Variants in DIS3L observed in about 807,000 individuals in gnomAD.
DIS3L encodes DIS3-like exonuclease 1.
A neutral mutation model predicts 120.3 loss-of-function variants in DIS3L; 100 were observed. The observed-to-expected ratio is 0.83, with a 90% confidence interval of 0.71 to 0.98. The LOEUF is 0.98. Among genes scored for constraint, DIS3L ranks in the 50% least tolerant of loss-of-function variants. The probability of loss-of-function intolerance (pLI) is 0.00; values close to 1 mark genes in which losing one functional copy is unlikely to be tolerated. For missense variants in DIS3L, 1,196 were observed against 1,314.2 expected, an observed-to-expected ratio of 0.91 and a Z score of 1.39; for synonymous variants, 426 against 470.6, an observed-to-expected ratio of 0.91 and a Z score of 1.23.
At chr15:66,330,203 A>G (rs1380936967) in intron 14 of DIS3L, 10 of 898,276 alleles carry the variant, frequency 1.1e-5, no homozygotes, top group Non-Finnish European at 1.3e-5. Context: ...AGGCTGAGGC[A>G]GGAGAATGGT....
At chr15:66,331,791 C>A in intron 14 of DIS3L, 84 bp from the exon 15 acceptor site, 2 of 1,358,122 alleles carry the variant, frequency 1.5e-6, no homozygotes, top group Non-Finnish European at 1.9e-6. Context: ...TTTACAGAAT[C>A]TCACATTTGA....
chr15:66,313,781 GTGTGTGTGTATATATATA>G (rs538029635), intron 5 of DIS3L, among the ~76,000 whole-genome samples: 1 of 150,218 alleles, frequency 6.7e-6, no homozygotes, highest in Non-Finnish European at 1.5e-5. Flanking sequence ...ATATATATAT[GTGTGTGTGTATATATATA>G]TGTGTGTGTG....
At chr15:66,316,307 CTT>C (rs80217505) in intron 7 of DIS3L, among the ~76,000 whole-genome samples, 4 of 146,556 alleles carry the variant, frequency 2.7e-5, no homozygotes, top group Middle Eastern at 3.5e-3. Flanking sequence ...TTATCCTTGA[CTT>C]TTTTTTTTTT....
chr15:66,317,662 A>G (rs2092833580), intron 7 of DIS3L, among the ~76,000 whole-genome samples: 1 of 152,168 alleles, frequency 6.6e-6, no homozygotes, highest in African/African-American at 2.4e-5. Flanking sequence ...GAGAGAGCAT[A>G]CTGACAATGT....
Position 66,333,884 on chromosome 15 carries a change from C to T in DIS3L, c.*572C>T, listed in dbSNP as rs568604466. 3.3e-5 allele frequency: 5 copies of T among 151,990 alleles called. No homozygotes were observed. Among genetic ancestry groups the T allele is most frequent in the South Asian group, 2.1e-4 (1 of 4,826 alleles). 9.4% of individuals were successfully genotyped at this position (151,990 alleles called of 1,614,324 possible). A position where few individuals can be genotyped will look rare whatever the true frequency, so the allele number is the denominator to read the frequency against. On this transcript the variant is annotated 3_prime_UTR_variant, in exon 17 of 17. Coordinates refer to ENST00000319212, the MANE Select transcript of DIS3L (RefSeq NM_001143688.3). ...CCCTTTCTAATAAGTTTAATAAACC[C>T]GAAATTACTGGTTATCTCGTCTCCA...
rs368621271 is a variant in DIS3L at position 66,323,476 on chromosome 15, G to A, written c.1575-17G>A. Reference sequence around the variant, plus strand: ...TCCCTGCTAAAGGTCGCGTTGCCGCGTGTGTGTCATTCACAGGGCCACCAC... The same window carrying A: ...TCCCTGCTAAAGGTCGCGTTGCCGCATGTGTGTCATTCACAGGGCCACCAC... On this transcript the variant is annotated splice_polypyrimidine_tract_variant and intron_variant, in intron 10 of 16. Coordinates refer to ENST00000319212, the MANE Select transcript of DIS3L (RefSeq NM_001143688.3). 8.0e-5 allele frequency: 129 copies of A among 1,613,728 alleles called. No homozygotes were observed. The highest frequency in any genetic ancestry group is 1.3e-4 in the East Asian group (6 of 44,898).
At chr15:66,320,800 A>G (rs1023602504) in intron 9 of DIS3L, 68 bp downstream of exon 9, 1 of 1,550,226 alleles carries the variant, frequency 6.5e-7, no homozygotes, top group Non-Finnish European at 8.7e-7. Context: ...TTTCATCATT[A>G]AGAAAGAAAA....
intron 15 of DIS3L, among the ~76,000 whole-genome samples, chr15:66,332,485 AGTGTGTGT>A (rs778480622): frequency 1.5e-4 from 17 of 109,788 alleles, no homozygotes; most frequent in East Asian, 7.9e-4. Context: ...TGAAGACTGG[AGTGTGTGT>A]GTGTGTGTGT....
intron 11 of DIS3L, 30 bp downstream of exon 11, chr15:66,323,615 T>G: frequency 6.2e-7 from 1 of 1,606,918 alleles, no homozygotes; most frequent in Non-Finnish European, 8.5e-7. Context: ...CTTCAAAGCT[T>G]GTCCTGGCCC....
chr15:66,314,640 C>T (rs914706861), intron 6 of DIS3L, among the ~76,000 whole-genome samples: 2 of 152,168 alleles, frequency 1.3e-5, no homozygotes, highest in Non-Finnish European at 2.9e-5. Flanking sequence ...GTCAGCATTC[C>T]CCCTGTCGGT....
At chr15:66,325,560 T>G (rs2092926818) in intron 11 of DIS3L, among the ~76,000 whole-genome samples, 1 of 152,212 alleles carries the variant, frequency 6.6e-6, no homozygotes, top group East Asian at 1.9e-4. Flanking sequence ...AACCTGTAGC[T>G]TTGTAATTTC....
At chr15:66,298,527 A>AC (rs1355747317) in intron 2 of DIS3L, among the ~76,000 whole-genome samples, 1 of 152,234 alleles carries the variant, frequency 6.6e-6, no homozygotes, top group African/African-American at 2.4e-5. Flanking sequence ...AAACAAAATC[A>AC]CCAGAGTTAG....
chr15:66,331,247 G>A (rs2092995553), intron 14 of DIS3L, among the ~76,000 whole-genome samples: 2 of 152,002 alleles, frequency 1.3e-5, no homozygotes, highest in South Asian at 4.1e-4. Context: ...GGTTTTCATT[G>A]GACAGGCTTG....
intron 4 of DIS3L, 140 bp from the exon 5 acceptor site, chr15:66,311,584 G>A (rs1477118212): frequency 4.3e-6 from 4 of 923,398 alleles, no homozygotes; most frequent in Non-Finnish European, 6.6e-6. Flanking sequence ...ATGGTGGAGT[G>A]AGGCTCAGGA....
intron 2 of DIS3L, among the ~76,000 whole-genome samples, chr15:66,299,863 C>T (rs11856152): frequency 0.061 from 9,332 of 152,070 alleles, 373 homozygotes; most frequent in Middle Eastern, 0.11. Context: ...CCAGACTGGG[C>T]AACACGGTGA....
chr15:66,321,718 A>G (rs2092885802), intron 9 of DIS3L, among the ~76,000 whole-genome samples: 1 of 151,338 alleles, frequency 6.6e-6, no homozygotes, highest in African/African-American at 2.4e-5. Flanking sequence ...GTGAGCCGAG[A>G]TCGCACCGCT....
intron 4 of DIS3L, among the ~76,000 whole-genome samples, chr15:66,309,094 A>AAAATATATATATAT: frequency 5.2e-4 from 8 of 15,314 alleles, no homozygotes; most frequent in Admixed American, 1.6e-3. Flanking sequence ...AAAAAAAAAA[A>AAAATATATATATAT]ATATATATAT....
intron 1 of DIS3L, chr15:66,293,949 T>C (rs1025348776): frequency 4.4e-5 from 44 of 994,920 alleles, no homozygotes; most frequent in Non-Finnish European, 4.8e-5. Context: ...GGGACTCCCT[T>C]ACTGCTCCGC....
intron 7 of DIS3L, among the ~76,000 whole-genome samples, chr15:66,317,344 GGAAAAAA>G (rs377122516): frequency 0.026 from 2,064 of 79,064 alleles, 36 homozygotes; most frequent in African/African-American, 0.092. Context: ...AATATTTGTG[GGAAAAAA>G]AAAAAAAAAA....
Sources: allele counts gnomAD v4.1 joint callset (sites outside exome capture counted in the v4.1 genomes callset), GRCh38; gene constraint gnomAD v4.1.1; transcripts MANE v1.5; gene names NCBI Gene and HGNC (gene_info 2026-07-23, HGNC 2026-07-21).